The following MARK3 variants were observed in gnomAD, a reference collection of about 807,000 sequenced individuals.
MARK3 encodes the protein MAP/microtubule affinity-regulating kinase 3.
In MARK3, 46 loss-of-function variants were observed where a neutral mutation model predicts 90.1. That is an observed-to-expected ratio of 0.51 (90% CI 0.40 to 0.65). The LOEUF (loss-of-function observed/expected upper bound fraction) is 0.65, where lower values mean the gene tolerates loss of function less well. Among genes scored for constraint, MARK3 ranks in the 30% least tolerant of loss-of-function variants. The pLI, the probability that MARK3 is intolerant of heterozygous loss-of-function variation, is 0.00. For synonymous variants in MARK3, 321 were observed against 332.6 expected (o/e 0.97, Z 0.38); for missense variants, 818 against 947.2 (o/e 0.86, Z 1.79).
At chr14:103,478,024 C>T (rs2093745676) in intron 13 of MARK3, among the ~76,000 whole-genome samples, 1 of 146,058 alleles carries the variant, frequency 6.8e-6, no homozygotes, top group Non-Finnish European at 1.5e-5. Flanking sequence ...TGGCCGGGCG[C>T]AGTGGCTCAC....
intron 1 of MARK3, among the ~76,000 whole-genome samples, chr14:103,397,455 T>G (rs2090654905): frequency 6.6e-6 from 1 of 151,624 alleles, no homozygotes; most frequent in South Asian, 2.1e-4. Flanking sequence ...GCCTTCTGAG[T>G]AGCTGGGACT....
intron 3 of MARK3, among the ~76,000 whole-genome samples, chr14:103,446,298 G>T (rs1439987312): frequency 6.6e-6 from 1 of 152,172 alleles, no homozygotes; most frequent in Non-Finnish European, 1.5e-5. Flanking sequence ...GGCCAAGGCA[G>T]ACAAATCACC....
Position 103,406,420 on chromosome 14 carries a change from A to G in MARK3, c.243+1153A>G, listed in dbSNP as rs1183158514. On this transcript the variant is annotated intron_variant, in intron 2 of 17. Transcript: ENST00000429436. ...TTTTTTTTTTTTTTGTATTTTTAGT[A>G]GAGGTGGGGTTTCACCATGTTAGTC... Among the ~76,000 whole-genome samples, 6 of 143,930 alleles carry G rather than the reference A, an allele frequency of 4.2e-5. 1 individual carries two copies. The Admixed American group carries it at 4.2e-4, about 10-fold the overall frequency. 94.4% of individuals were successfully genotyped at this position (143,930 alleles called of 152,430 possible).
chr14:103,421,110 T>G (rs996349944), intron 2 of MARK3, among the ~76,000 whole-genome samples: 1 of 152,202 alleles, frequency 6.6e-6, no homozygotes, highest in African/African-American at 2.4e-5. Flanking sequence ...ATGGCTATGG[T>G]GCTTTACAAA....
At chr14:103,427,861 A>G (rs920536457) in intron 2 of MARK3, among the ~76,000 whole-genome samples, 2 of 152,102 alleles carry the variant, frequency 1.3e-5, no homozygotes, top group Non-Finnish European at 2.9e-5. Context: ...CTTCTTTACC[A>G]CATCCTGTTC....
intron 6 of MARK3, among the ~76,000 whole-genome samples, chr14:103,460,755 A>G (rs947380035): frequency 1.3e-5 from 2 of 152,230 alleles, no homozygotes; most frequent in Non-Finnish European, 2.9e-5. Flanking sequence ...TGAGAAAAGG[A>G]AAAAGATTAG....
At chr14:103,458,013 AC>A (rs1311513896) in intron 6 of MARK3, among the ~76,000 whole-genome samples, 1 of 152,140 alleles carries the variant, frequency 6.6e-6, no homozygotes, top group South Asian at 2.1e-4. Context: ...AAACCCTCTG[AC>A]CCCAAAACTC....
At chr14:103,498,659 T>A in intron 16 of MARK3, 131 bp downstream of exon 16, 2 of 859,902 alleles carry the variant, frequency 2.3e-6, no homozygotes, top group Non-Finnish European at 3.1e-6. Context: ...ACTAAATACT[T>A]AATTCCTTGA....
At chr14:103,443,518 A>G (rs1179819641) in intron 3 of MARK3, among the ~76,000 whole-genome samples, 1 of 152,210 alleles carries the variant, frequency 6.6e-6, no homozygotes, top group East Asian at 1.9e-4. Flanking sequence ...TAACGGAATT[A>G]AAAAGGAGGG....
rs566387133 is a variant in MARK3 at position 103,451,171 on chromosome 14, G to C, written c.347-747G>C. Among the ~76,000 whole-genome samples the C allele has an allele frequency of 9.9e-5, 15 of 151,714 alleles. No homozygotes were observed. In the South Asian group the frequency reaches 2.9e-3, roughly 29 times the overall value. ...TGGTGTCCAACTCCTCAGCAGAAAC[G>C]ATCCACCCGCCTCAGCCTCCCAAAG... On this transcript the variant is annotated intron_variant, in intron 4 of 17. Coordinates refer to ENST00000429436, the MANE Select transcript of MARK3 (RefSeq NM_001128918.3).
At chr14:103,421,787 G>T (rs879839373) in intron 2 of MARK3, among the ~76,000 whole-genome samples, 1 of 152,060 alleles carries the variant, frequency 6.6e-6, no homozygotes, top group Non-Finnish European at 1.5e-5. Flanking sequence ...TTTGTCATTT[G>T]GTCTTTGTTC....
chr14:103,459,604 A>G (rs764742018), intron 6 of MARK3, among the ~76,000 whole-genome samples: 6 of 151,744 alleles, frequency 4.0e-5, no homozygotes, highest in Non-Finnish European at 7.4e-5. Flanking sequence ...GGTTCAAGCA[A>G]TTCTCCTGCC....
intron 13 of MARK3, 110 bp downstream of exon 13, chr14:103,475,320 A>G: frequency 1.2e-6 from 1 of 829,536 alleles, no homozygotes; most frequent in South Asian, 1.6e-5. Flanking sequence ...TGCCCTCTCT[A>G]CTAGGCAGCC....
At chr14:103,427,373 C>T (rs1323231808) in intron 2 of MARK3, among the ~76,000 whole-genome samples, 3 of 150,642 alleles carry the variant, frequency 2.0e-5, no homozygotes, top group Non-Finnish European at 4.4e-5. Flanking sequence ...GTGGTGCGCA[C>T]CTGTAATCCC....
intron 1 of MARK3, among the ~76,000 whole-genome samples, chr14:103,400,329 A>G (rs1305383440): frequency 6.6e-6 from 1 of 152,176 alleles, no homozygotes; most frequent in Non-Finnish European, 1.5e-5. Context: ...ACTAAGCCAG[A>G]TGGCTATCTC....
chr14:103,457,425 G>A (rs1207294956), intron 6 of MARK3, among the ~76,000 whole-genome samples: 1 of 152,132 alleles, frequency 6.6e-6, no homozygotes, highest in Non-Finnish European at 1.5e-5. Flanking sequence ...TGTAATGGGA[G>A]CATTAGTCTT....
chr14:103,408,191 G>T (rs1027287656), intron 2 of MARK3, among the ~76,000 whole-genome samples: 1 of 151,658 alleles, frequency 6.6e-6, no homozygotes, highest in African/African-American at 2.4e-5. Context: ...TTTTTGGCGG[G>T]GGGGAGGTGG....
At chr14:103,469,718 G>T (rs2093589021) in intron 12 of MARK3, among the ~76,000 whole-genome samples, 1 of 151,968 alleles carries the variant, frequency 6.6e-6, no homozygotes, top group African/African-American at 2.4e-5. Context: ...CTCCCAAAGT[G>T]CTGGATTACA....
chr14:103,441,895 A>T (rs1042702774), intron 3 of MARK3, among the ~76,000 whole-genome samples: 4 of 152,064 alleles, frequency 2.6e-5, no homozygotes, highest in Admixed American at 6.5e-5. Flanking sequence ...TCATATTTTT[A>T]AATTTTATTT....
Sources: allele counts gnomAD v4.1 joint callset (sites outside exome capture counted in the v4.1 genomes callset), GRCh38; gene constraint gnomAD v4.1.1; transcripts MANE v1.5; gene names NCBI Gene and HGNC (gene_info 2026-07-23, HGNC 2026-07-21).